Variants in HKDC1 observed in about 807,000 individuals in gnomAD.
HKDC1 encodes the protein hexokinase domain containing 1.
HKDC1 carries 66 observed loss-of-function variants against 96.6 expected under a neutral mutation model. The ratio of observed to expected loss-of-function variants is 0.68; its 90% confidence interval spans 0.56 to 0.84. HKDC1 has a LOEUF of 0.84. Among genes scored for constraint, HKDC1 ranks in the 40% least tolerant of loss-of-function variants. HKDC1 has a pLI of 0.00. For missense variants in HKDC1, 1,211 were observed against 1,208.1 expected (o/e 1.00, Z -0.04); for synonymous variants, 466 against 473.1 (o/e 0.98, Z 0.20).
chr10:69,263,198 C>T (rs1313017093), intron 16 of HKDC1, among the ~76,000 whole-genome samples: 2 of 152,030 alleles, frequency 1.3e-5, no homozygotes, highest in African/African-American at 2.4e-5. Flanking sequence ...CACCACTGCT[C>T]CTCTCCCCTG....
At chr10:69,244,221 C>T (rs1351740073) in intron 7 of HKDC1, among the ~76,000 whole-genome samples, 1 of 152,210 alleles carries the variant, frequency 6.6e-6, no homozygotes, top group Admixed American at 6.5e-5. Flanking sequence ...TGACATGTTC[C>T]ATCACTCTTT....
chr10:69,252,553 G>A (rs917878632), intron 12 of HKDC1, among the ~76,000 whole-genome samples: 2 of 151,270 alleles, frequency 1.3e-5, no homozygotes, highest in African/African-American at 4.9e-5. Flanking sequence ...GCTGAGGCAG[G>A]AGAATGGCGT....
intron 8 of HKDC1, among the ~76,000 whole-genome samples, chr10:69,247,130 GGGCGTTGAA>G (rs1322430955): frequency 6.6e-6 from 1 of 152,174 alleles, no homozygotes; most frequent in Non-Finnish European, 1.5e-5. Context: ...GGATTTTTGT[GGGCGTTGAA>G]GGAGTTACTA....
rs568846185 is a variant in HKDC1, at chr10:69,233,142, C to T, written c.495+9C>T. 6.6e-5 allele frequency: 107 copies of T among 1,613,438 alleles called. No individual in the cohort carries two copies. In the Admixed American group the frequency reaches 1.1e-3, roughly 16 times the overall value. The stretch of plus-strand genomic sequence containing the variant: ...AGACTAAACTGGAAGAGGTAAGGCG[C>T]GGAGGGAAGCAGCAGTGCAGGAATT... On this transcript the variant is annotated intron_variant, in intron 4 of 17. Transcript: ENST00000354624.
At chr10:69,259,659 C>T (rs893819986) in intron 15 of HKDC1, among the ~76,000 whole-genome samples, 2 of 152,166 alleles carry the variant, frequency 1.3e-5, no homozygotes, top group African/African-American at 4.8e-5. Context: ...ACAGGCTGTG[C>T]AGGAAGCATG....
rs756719016 is a variant in HKDC1 at position 69,257,046 on chromosome 10, T to C, written c.1847T>C (p.Ile616Thr). The change falls in exon 13 of 18, where the codon ATA (isoleucine) becomes ACA (threonine). Residue 616 changes from isoleucine (I) to threonine (T), a missense_variant. Transcript: ENST00000354624. ...CCTCCTTTCTTTCAGGGAACACTCA[T>C]AGGGTGGACCAAAGGTTTCAAGGCC... ...RQMSIDKGTL[I>T]GWTKGFKATD... 22 of 1,613,620 alleles carry C rather than the reference T, an allele frequency of 1.4e-5. No homozygotes were observed. The Admixed American group carries it at 3.0e-4, about 22-fold the overall frequency.
At chr10:69,225,013 G>C (rs1297941853) in intron 1 of HKDC1, among the ~76,000 whole-genome samples, 1 of 152,156 alleles carries the variant, frequency 6.6e-6, no homozygotes, top group Non-Finnish European at 1.5e-5. Context: ...AACTGTTCCT[G>C]GTGCTGTGGC....
chr10:69,251,087 C>CTTTTTTT (rs869084452), intron 12 of HKDC1, among the ~76,000 whole-genome samples: 14 of 92,686 alleles, frequency 1.5e-4, no homozygotes, highest in Non-Finnish European at 1.8e-4. Context: ...AAATACATTT[C>CTTTTTTT]TTTTTTTTTT....
chr10:69,260,478 G>T (rs1281565651), intron 15 of HKDC1, among the ~76,000 whole-genome samples: 1 of 152,174 alleles, frequency 6.6e-6, no homozygotes, highest in Non-Finnish European at 1.5e-5. Flanking sequence ...TTTTAAGGGG[G>T]CAGCACCTTT....
chr10:69,250,847 C>T (rs1843631566), intron 12 of HKDC1, among the ~76,000 whole-genome samples, 195 bp downstream of exon 12: 1 of 152,094 alleles, frequency 6.6e-6, no homozygotes, highest in South Asian at 2.1e-4. Flanking sequence ...TGACCATTCA[C>T]AAGAGAATTT....
chr10:69,226,854 G>A (rs9645499), intron 1 of HKDC1, among the ~76,000 whole-genome samples: 64,725 of 151,924 alleles, frequency 0.43, 13,907 homozygotes, highest in South Asian at 0.46. Context: ...TGGTGGAGAG[G>A]AATGGGACAC....
At chr10:69,250,749 A>C (rs961319913) in intron 12 of HKDC1, 97 bp downstream of exon 12, 1 of 1,407,958 alleles carries the variant, frequency 7.1e-7, no homozygotes, top group Non-Finnish European at 9.8e-7. Flanking sequence ...TCATTTTTAC[A>C]GGGATCTTGG....
At chr10:69,247,642 C>A in intron 9 of HKDC1, 49 bp downstream of exon 9, 1 of 1,464,870 alleles carries the variant, frequency 6.8e-7, no homozygotes, top group Non-Finnish European at 9.5e-7. Flanking sequence ...CTCCCTGGAG[C>A]AGGGCCCCAG....
chr10:69,220,926 G>T (rs999787474), intron 1 of HKDC1, among the ~76,000 whole-genome samples: 3 of 152,178 alleles, frequency 2.0e-5, no homozygotes, highest in Admixed American at 1.3e-4. Context: ...GAGGTGGGCG[G>T]ATTACCTGAG....
chr10:69,223,000 G>A (rs1228496881), intron 1 of HKDC1: 1 of 152,110 alleles, frequency 6.6e-6, no homozygotes, highest in East Asian at 1.9e-4. Context: ...GGTTACTACT[G>A]AGACCCTGGA....
intron 4 of HKDC1, among the ~76,000 whole-genome samples, chr10:69,235,880 A>G (rs1371382697): frequency 6.6e-6 from 1 of 152,180 alleles, no homozygotes; most frequent in Non-Finnish European, 1.5e-5. Context: ...CGCTGTGCCA[A>G]ATGCTTTATG....
In HKDC1 at chr10:69,261,164, T is replaced by G. The variant is rs1267492019; in HGVS notation, c.2242T>G (p.Tyr748Asp). ...ATACGAGAAAATGACCAGTGGGATG[T>G]ACTTGGGGGAGATTGTGCGGCAGAT... is the stretch of plus-strand genomic sequence containing the variant. ...QRYEKMTSGM[Y>D]LGEIVRQILI... The change falls in exon 16 of 18, where the codon TAC becomes GAC. Residue 748 changes from tyrosine to aspartate, a missense_variant. Coordinates refer to ENST00000354624, the MANE Select transcript of HKDC1 (RefSeq NM_025130.4). The G allele has an allele frequency of 3.7e-6, 6 of 1,613,786 alleles. No homozygotes were observed. The highest frequency in any genetic ancestry group is 5.1e-6 in the Non-Finnish European group (6 of 1,179,824).
intron 2 of HKDC1, among the ~76,000 whole-genome samples, chr10:69,228,903 AAGAG>A (rs1194574307): frequency 2.0e-5 from 3 of 149,886 alleles, no homozygotes; most frequent in Admixed American, 1.3e-4. Context: ...GAAAGAAAGA[AAGAG>A]AGAGAAAGAA....
intron 2 of HKDC1, among the ~76,000 whole-genome samples, chr10:69,229,413 C>G (rs1406438993): frequency 6.6e-6 from 1 of 152,212 alleles, no homozygotes; most frequent in Non-Finnish European, 1.5e-5. Flanking sequence ...AGAGAGACAG[C>G]CCTACTTTGA....
Sources: gnomAD v4.1 joint callset for allele counts (sites outside exome capture counted in the v4.1 genomes callset) on GRCh38, gnomAD v4.1.1 for gene constraint, MANE v1.5 for transcripts, NCBI Gene and HGNC (gene_info 2026-07-23, HGNC 2026-07-21) for gene names.